BBX: variants seen among roughly 807,000 people sequenced by gnomAD.
BBX encodes the protein BBX high mobility group box domain containing, also known as HMG box transcription factor BBX.
BBX carries 30 observed loss-of-function variants against 100.2 expected under a neutral mutation model. That is an observed-to-expected ratio of 0.30 (90% CI 0.22 to 0.41). The LOEUF is 0.41. Ranked by LOEUF, BBX falls within the 10% of genes least tolerant of loss-of-function variation. The pLI is 1.00. For synonymous variants in BBX, 376 were observed against 388.1 expected (o/e 0.97, Z 0.37); for missense variants, 1,023 against 1,129.8 (o/e 0.91, Z 1.35).
At chr3:107,765,229 A>T (rs2066288607) in intron 10 of BBX, among the ~76,000 whole-genome samples, 1 of 152,206 alleles carries the variant, frequency 6.6e-6, no homozygotes, top group South Asian at 2.1e-4. Flanking sequence ...TTAGCTCTGT[A>T]CTAGGCACTA....
chr3:107,772,844 G>T lies in BBX; in HGVS notation c.1123G>T (p.Ala375Ser), dbSNP rs762828184. 6.2e-7 allele frequency: 1 copy of T among 1,613,642 alleles called. No individual in the cohort carries two copies. Among genetic ancestry groups the T allele is most frequent in the South Asian group, 1.1e-5 (1 of 90,844 alleles). ...RDSKELRNFE[A>S]LQIDDIMAIK... ...TTCTAAGGAATTGAGAAATTTTGAG[G>T]CATTGCAAATAGATGACATAATGGC... is the stretch of plus-strand genomic sequence containing the variant. Residue 375 changes from alanine to serine, a missense_variant, in exon 11 of 18, where the codon GCA becomes TCA. Physicochemically the swap from Ala to Ser is moderately conservative, Grantham distance 99. Around this residue, in one of 9 missense-constraint regions of BBX, gnomAD observed 348 missense variants for 353.2 expected, o/e 0.99. Coordinates refer to ENST00000325805, the MANE Select transcript of BBX (RefSeq NM_001142568.3).
Position 107,543,357 on chromosome 3 carries a change from A to G in BBX, c.-84+16959A>G, listed in dbSNP as rs537307455. On this transcript the variant is annotated intron_variant, in intron 2 of 17. Transcript: ENST00000325805. Reference sequence around the variant, plus strand: ...CTGTTTAGCTCCAAAATGATGTAAAACACATTTTTAGCCAATTCACGACAC... The same window carrying G: ...CTGTTTAGCTCCAAAATGATGTAAAGCACATTTTTAGCCAATTCACGACAC... 1.9e-3 allele frequency among the ~76,000 whole-genome samples: 282 copies of G among 152,344 alleles called. 1 individual carries two copies. Among genetic ancestry groups the G allele is most frequent in the Non-Finnish European group, 3.5e-3 (235 of 68,030 alleles).
intron 2 of BBX, among the ~76,000 whole-genome samples, chr3:107,568,246 A>C (rs2051068125): frequency 6.7e-6 from 1 of 149,054 alleles, no homozygotes; most frequent in African/African-American, 2.5e-5. Flanking sequence ...CAGTTATGTC[A>C]GATTCTCTAT....
intron 2 of BBX, among the ~76,000 whole-genome samples, chr3:107,552,079 C>T (rs1022650783): frequency 2.0e-5 from 3 of 151,976 alleles, no homozygotes; most frequent in African/African-American, 7.2e-5. Context: ...CACTGGTTCA[C>T]CCCTGTATTC....
chr3:107,779,580 C>T (rs1185475498), intron 13 of BBX, among the ~76,000 whole-genome samples: 4 of 152,114 alleles, frequency 2.6e-5, no homozygotes, highest in African/African-American at 7.2e-5. Flanking sequence ...CTGCCTATTG[C>T]CTGCTTCATC....
chr3:107,656,365 A>T lies in BBX; in HGVS notation c.-10+10456A>T, dbSNP rs557516918. Among the ~76,000 whole-genome samples the T allele has an allele frequency of 2.2e-4, 34 of 152,280 alleles. 1 individual carries two copies. The South Asian group carries it at 4.6e-3, about 20-fold the overall frequency. On this transcript the variant is annotated intron_variant, in intron 3 of 17. Transcript: ENST00000325805. ...AAACTTGTTTTCAAGGTATTTTAGT[A>T]CTATCTATGAAATACTTTGGTTCCT...
intron 3 of BBX, among the ~76,000 whole-genome samples, chr3:107,664,535 G>C (rs926710854): frequency 6.6e-6 from 1 of 152,132 alleles, no homozygotes; most frequent in Non-Finnish European, 1.5e-5. Context: ...TTTTTTAAAA[G>C]TTAGTTTTAC....
chr3:107,709,522 T>G (rs1038188991), intron 3 of BBX, among the ~76,000 whole-genome samples: 16 of 152,064 alleles, frequency 1.1e-4, no homozygotes, highest in African/African-American at 3.6e-4. Context: ...TCAGCATTCA[T>G]GAACCATTTA....
chr3:107,684,030 A>C (rs1229692008), intron 3 of BBX, among the ~76,000 whole-genome samples: 1 of 152,202 alleles, frequency 6.6e-6, no homozygotes, highest in Non-Finnish European at 1.5e-5. Context: ...GTTATCAAAA[A>C]TAAGAGCCTT....
intron 6 of BBX, among the ~76,000 whole-genome samples, chr3:107,732,268 GTT>G (rs1257330476): frequency 6.6e-6 from 1 of 152,036 alleles, no homozygotes; most frequent in Non-Finnish European, 1.5e-5. Context: ...CCACTTTGCT[GTT>G]TTTATTTTCT....
intron 10 of BBX, among the ~76,000 whole-genome samples, chr3:107,758,665 G>A (rs1248781908): frequency 6.6e-6 from 1 of 152,140 alleles, no homozygotes; most frequent in Admixed American, 6.5e-5. Flanking sequence ...CACCTGGAGG[G>A]CACATCCCCT....
At chr3:107,633,013 A>C (rs2056641251) in intron 2 of BBX, among the ~76,000 whole-genome samples, 1 of 152,192 alleles carries the variant, frequency 6.6e-6, no homozygotes, top group Non-Finnish European at 1.5e-5. Context: ...TTGTAGTTGA[A>C]TGACTTACCC....
At chr3:107,561,718 G>A (rs937379239) in intron 2 of BBX, among the ~76,000 whole-genome samples, 4 of 152,100 alleles carry the variant, frequency 2.6e-5, no homozygotes, top group African/African-American at 9.7e-5. Flanking sequence ...GGGGAGAAAT[G>A]GATGAAGAAG....
rs778435402 is a variant in BBX, at chr3:107,772,904, G to A, written c.1183G>A (p.Glu395Lys). ...GGAAGATCCCAAAGAAATTAGAAAG[G>A]AAGAGTTAGAAGAAGATCACAAATG... The part of the protein sequence containing the change: ...KMEDPKEIRK[E>K]ELEEDHKCSH... The change falls in exon 11 of 18, where the codon GAA becomes AAA. Residue 395 changes from glutamate (E) to lysine (K), a missense_variant. Coordinates refer to ENST00000325805, the MANE Select transcript of BBX (RefSeq NM_001142568.3). 6.8e-6 allele frequency: 11 copies of A among 1,608,036 alleles called. No individual in the cohort carries two copies. The African/African-American group carries it at 1.1e-4, about 16-fold the overall frequency.
chr3:107,589,322 A>G (rs983844396), intron 2 of BBX, among the ~76,000 whole-genome samples: 9 of 152,226 alleles, frequency 5.9e-5, no homozygotes, highest in African/African-American at 2.2e-4. Context: ...TTATAAAAGA[A>G]CTGAGAAAAC....
intron 2 of BBX, among the ~76,000 whole-genome samples, chr3:107,596,812 T>TAACC (rs1435703980): frequency 1.3e-5 from 2 of 152,226 alleles, no homozygotes; most frequent in African/African-American, 4.8e-5. Flanking sequence ...TCAACGAGTA[T>TAACC]AACCACAAAT....
At chr3:107,542,462 G>C (rs780277770) in intron 2 of BBX, among the ~76,000 whole-genome samples, 1 of 152,200 alleles carries the variant, frequency 6.6e-6, no homozygotes, top group Admixed American at 6.5e-5. Flanking sequence ...TTATTGAAGA[G>C]AGCATATAGA....
chr3:107,718,326 A>G lies in BBX; in HGVS notation c.405+1477A>G, dbSNP rs930962503. On this transcript the variant is annotated intron_variant, in intron 5 of 17. Coordinates refer to ENST00000325805, the MANE Select transcript of BBX (RefSeq NM_001142568.3). The stretch of plus-strand genomic sequence containing the variant: ...TATAATTATAATAATTATATAATTA[A>G]TCATACAAGACTTCAAAAATTGACT... Among the ~76,000 whole-genome samples the G allele has an allele frequency of 3.4e-5, 5 of 148,826 alleles. No individual in the cohort carries two copies. In the East Asian group the frequency reaches 9.7e-4, roughly 29 times the overall value.
At chr3:107,793,792 A>G (rs1457790258) in intron 15 of BBX, among the ~76,000 whole-genome samples, 2 of 152,200 alleles carry the variant, frequency 1.3e-5, no homozygotes, top group Admixed American at 1.3e-4. Flanking sequence ...CTTCTAAAGT[A>G]GATGACTTCA....
Sources: allele counts gnomAD v4.1 joint callset (sites outside exome capture counted in the v4.1 genomes callset), GRCh38; gene constraint gnomAD v4.1.1; regional missense constraint gnomAD v4.1.1; transcripts MANE v1.5; gene names NCBI Gene and HGNC (gene_info 2026-07-23, HGNC 2026-07-21).